Variants in MYO1D observed in about 807,000 individuals in gnomAD.
The protein encoded by MYO1D is myosin ID.
In MYO1D, 83 loss-of-function variants were observed where a neutral mutation model predicts 122.0. The ratio of observed to expected loss-of-function variants is 0.68; its 90% CI spans 0.57 to 0.82. The LOEUF is 0.82. MYO1D is among the 40% of genes least tolerant of loss of function. The pLI, the probability that MYO1D is intolerant of heterozygous loss-of-function variation, is 0.00. For synonymous variants in MYO1D, 464 were observed against 446.9 expected (o/e 1.04, Z -0.48); for missense variants, 1,157 against 1,269.5 (o/e 0.91, Z 1.35).
chr17:32,554,359 T>C (rs1346066704), intron 21 of MYO1D, among the ~76,000 whole-genome samples: 2 of 152,208 alleles, frequency 1.3e-5, no homozygotes, highest in Non-Finnish European at 2.9e-5. Flanking sequence ...CAACACCTAG[T>C]TAATTGGTCT....
At chr17:32,512,127 C>A (rs1021767881) in intron 21 of MYO1D, among the ~76,000 whole-genome samples, 10 of 152,070 alleles carry the variant, frequency 6.6e-5, no homozygotes, top group African/African-American at 1.2e-4. Flanking sequence ...ATGGTGAAAC[C>A]CCATCTCTAC....
intron 21 of MYO1D, among the ~76,000 whole-genome samples, chr17:32,507,892 C>CTTTTTTTTTT (rs34271237): frequency 1.8e-5 from 2 of 109,320 alleles, no homozygotes; most frequent in Non-Finnish European, 3.6e-5. Context: ...CCATGCTGGA[C>CTTTTTTTTTT]TTTTTTTTTT....
In MYO1D at chr17:32,876,818, T is replaced by G. The variant is rs775323819; in HGVS notation, c.55A>C (p.Thr19Pro). ...FGKADFVLMD[T>P]VSMPEFMANL... ...GCCATGAACTCGGGCATGGAGACGGTGTCCATCAGCACGAAGTCTGCCTTG... is the reference window on the plus strand; with the variant it reads ...GCCATGAACTCGGGCATGGAGACGGGGTCCATCAGCACGAAGTCTGCCTTG... Residue 19 changes from threonine to proline, a missense_variant, in exon 1 of 22, where the codon ACC becomes CCC. Coordinates refer to ENST00000318217, the MANE Select transcript of MYO1D (RefSeq NM_015194.3). 1 of 1,526,308 alleles carries G rather than the reference T, an allele frequency of 6.6e-7. No individual in the cohort carries two copies. Among genetic ancestry groups the G allele is most frequent in the South Asian group, 1.2e-5 (1 of 80,926 alleles). 94.5% of individuals were successfully genotyped at this position (1,526,308 alleles called of 1,614,324 possible).
At chr17:32,730,628 C>A (rs1364071777) in intron 14 of MYO1D, among the ~76,000 whole-genome samples, 1 of 152,122 alleles carries the variant, frequency 6.6e-6, no homozygotes, top group African/African-American at 2.4e-5. Flanking sequence ...TTTCTCTCAG[C>A]CTAATTGTCA....
intron 11 of MYO1D, among the ~76,000 whole-genome samples, chr17:32,750,282 T>C (rs978226834): frequency 6.6e-6 from 1 of 152,184 alleles, no homozygotes; most frequent in Non-Finnish European, 1.5e-5. Context: ...TGGAATCTTA[T>C]AGTTTCTTAA....
intron 21 of MYO1D, among the ~76,000 whole-genome samples, chr17:32,577,096 A>G (rs1250140796): frequency 1.3e-5 from 2 of 152,054 alleles, no homozygotes; most frequent in African/African-American, 4.8e-5. Context: ...TTACAATACA[A>G]AAAAATTAGC....
intron 16 of MYO1D, among the ~76,000 whole-genome samples, chr17:32,687,255 G>A (rs762764146): frequency 1.6e-4 from 24 of 149,978 alleles, no homozygotes; most frequent in Admixed American, 2.7e-4. Context: ...GGAGTGCAGT[G>A]GCGCGATCTC....
At position 32,815,298 on chromosome 17, in the gene MYO1D, A is replaced by T. The variant is rs548487449; in HGVS notation, c.96-34514T>A. On this transcript the variant is annotated intron_variant, in intron 1 of 21. Coordinates refer to ENST00000318217, the MANE Select transcript of MYO1D (RefSeq NM_015194.3). ...CATAAACTACTGCTAAAATACATAAACTGTAGGAAAAAAGATTTTCCAGCT... is the reference window on the plus strand; with the variant it reads ...CATAAACTACTGCTAAAATACATAATCTGTAGGAAAAAAGATTTTCCAGCT... Among the ~76,000 whole-genome samples the T allele has an allele frequency of 4.9e-4, 74 of 152,290 alleles. 1 individual carries two copies. The Middle Eastern group carries it at 0.014, about 28-fold the overall frequency.
intron 7 of MYO1D, among the ~76,000 whole-genome samples, chr17:32,767,002 A>G (rs1410203055): frequency 1.3e-5 from 2 of 152,220 alleles, no homozygotes; most frequent in African/African-American, 4.8e-5. Context: ...ATCTTGCTAT[A>G]TTAAGTGAAA....
chr17:32,700,211 G>C (rs2089228396), intron 16 of MYO1D, among the ~76,000 whole-genome samples: 1 of 152,200 alleles, frequency 6.6e-6, no homozygotes, highest in Non-Finnish European at 1.5e-5. Flanking sequence ...CTGGGAGGTG[G>C]TAGGGGATGG....
chr17:32,652,059 C>T (rs2088398650), intron 19 of MYO1D, among the ~76,000 whole-genome samples: 2 of 152,038 alleles, frequency 1.3e-5, no homozygotes, highest in African/African-American at 2.4e-5. Context: ...ACATTTTTTC[C>T]AGTTTTTCTG....
chr17:32,605,925 C>CA (rs113378300), intron 20 of MYO1D, among the ~76,000 whole-genome samples: 1,938 of 142,320 alleles, frequency 0.014, 15 homozygotes, highest in Middle Eastern at 0.025. Context: ...TACTGAAATA[C>CA]AAAAAAAAAA....
At chr17:32,548,427 AAG>A (rs2086983328) in intron 21 of MYO1D, among the ~76,000 whole-genome samples, 1 of 145,954 alleles carries the variant, frequency 6.9e-6, no homozygotes, top group African/African-American at 2.6e-5. Context: ...GACCTGTCTC[AAG>A]AAAAAAAAAA....
intron 20 of MYO1D, among the ~76,000 whole-genome samples, chr17:32,622,995 T>C (rs1877007520): frequency 6.6e-6 from 1 of 152,232 alleles, no homozygotes; most frequent in South Asian, 2.1e-4. Context: ...GTAATGATCT[T>C]TAAATGCAAT....
intron 16 of MYO1D, among the ~76,000 whole-genome samples, chr17:32,685,031 AAAG>A (rs2150969867): frequency 6.6e-6 from 1 of 152,196 alleles, no homozygotes; most frequent in African/African-American, 2.4e-5. Flanking sequence ...TTTGGAAAAA[AAAG>A]TCAATACCTC....
At chr17:32,597,543 T>C (rs2150908548) in intron 21 of MYO1D, among the ~76,000 whole-genome samples, 1 of 152,258 alleles carries the variant, frequency 6.6e-6, no homozygotes, top group East Asian at 1.9e-4. Flanking sequence ...AATAGAGATA[T>C]ATCTACCTAT....
intron 21 of MYO1D, among the ~76,000 whole-genome samples, chr17:32,549,750 C>T (rs946093574): frequency 6.6e-6 from 1 of 152,088 alleles, no homozygotes. Flanking sequence ...CTCTTCAATC[C>T]CAGAGCCTCA....
intron 1 of MYO1D, among the ~76,000 whole-genome samples, chr17:32,867,164 A>G (rs2091133590): frequency 6.6e-6 from 1 of 151,854 alleles, no homozygotes; most frequent in Non-Finnish European, 1.5e-5. Context: ...CATCTCTACT[A>G]AAAATACAAA....
intron 1 of MYO1D, among the ~76,000 whole-genome samples, chr17:32,786,894 A>T (rs548930749): frequency 2.0e-4 from 31 of 152,176 alleles, no homozygotes; most frequent in African/African-American, 7.0e-4. Context: ...AAGAAAAAAA[A>T]AGTAGGTAGT....
Sources: gnomAD v4.1 joint callset for allele counts (sites outside exome capture counted in the v4.1 genomes callset) on GRCh38, gnomAD v4.1.1 for gene constraint, MANE v1.5 for transcripts, NCBI Gene and HGNC (gene_info 2026-07-23, HGNC 2026-07-21) for gene names.